Variants in UBTD2 observed in about 807,000 individuals in gnomAD.
UBTD2 encodes ubiquitin domain-containing protein 2.
Under a neutral mutation model 19.8 loss-of-function variants are expected in UBTD2, and 9 were observed. The ratio of observed to expected loss-of-function variants is 0.46; its 90% CI spans 0.27 to 0.79. The LOEUF (loss-of-function observed/expected upper bound fraction) is 0.79, where lower values mean the gene tolerates loss of function less well. UBTD2 is among the 30% of genes least tolerant of loss of function. UBTD2 has a pLI of 0.14. For missense variants in UBTD2, 250 were observed against 300.4 expected (o/e 0.83, Z 1.24); for synonymous variants, 98 against 103.9 (o/e 0.94, Z 0.35).
At chr5:172,216,180 CAAAT>C (rs1461581398) in intron 2 of UBTD2, among the ~76,000 whole-genome samples, 24 of 151,304 alleles carry the variant, frequency 1.6e-4, no homozygotes, top group Non-Finnish European at 1.5e-5. Flanking sequence ...AAACAAAAAA[CAAAT>C]AAACAACAAC....
chr5:172,224,298 C>CTTTTTTT (rs35105814), intron 2 of UBTD2, among the ~76,000 whole-genome samples: 3 of 121,648 alleles, frequency 2.5e-5, no homozygotes, highest in Admixed American at 9.1e-5. Flanking sequence ...TTTTTCATTT[C>CTTTTTTT]TTTTTTTTTT....
rs1192147873 is a variant in UBTD2 at position 172,213,003 on chromosome 5, C to G, written c.308-776G>C. 4.3e-5 allele frequency among the ~76,000 whole-genome samples: 6 copies of G among 140,744 alleles called. No homozygotes were observed. The East Asian group carries it at 1.1e-3, about 26-fold the overall frequency. The allele number at this position is 140,744 out of a possible 152,430, so 92.3% of individuals were successfully genotyped here. A position where few individuals can be genotyped will look rare whatever the true frequency, so the allele number is the denominator to read the frequency against. On this transcript the variant is annotated intron_variant, in intron 2 of 2. Transcript: ENST00000393792. ...TCTTAGTACCTGGACTTCTTTCTTTCTTTTTGAGACAGAGTCTCACTCTGT... is the reference window on the plus strand; with the variant it reads ...TCTTAGTACCTGGACTTCTTTCTTTGTTTTTGAGACAGAGTCTCACTCTGT...
chr5:172,258,414 G>C lies in UBTD2; in HGVS notation c.71-24056C>G, dbSNP rs549619434. Among the ~76,000 whole-genome samples, 3 of 152,330 alleles carry C rather than the reference G, an allele frequency of 2.0e-5. No individual in the cohort carries two copies. In the South Asian group the frequency reaches 6.2e-4, roughly 32 times the overall value. ...TAGCCTTGAAGTATAGTTGAGGTCA[G>C]GTAGTGTGATGCTTTCTTGTTTTTG... is the stretch of plus-strand genomic sequence containing the variant. On this transcript the variant is annotated intron_variant, in intron 1 of 2. Transcript: ENST00000393792.
At chr5:172,234,033 G>T in intron 2 of UBTD2, 89 bp downstream of exon 2, 1 of 1,347,364 alleles carries the variant, frequency 7.4e-7, no homozygotes, top group South Asian at 1.3e-5. Context: ...ATAATTCATA[G>T]CAAGGAAAAA....
chr5:172,221,034 T>C (rs537495623), intron 2 of UBTD2, among the ~76,000 whole-genome samples: 11 of 152,082 alleles, frequency 7.2e-5, no homozygotes, highest in East Asian at 3.9e-4. Flanking sequence ...AAAAAGAAAA[T>C]AGGTATAAGT....
chr5:172,247,348 T>A (rs1428609592), intron 1 of UBTD2, among the ~76,000 whole-genome samples: 3 of 151,458 alleles, frequency 2.0e-5, no homozygotes, highest in African/African-American at 7.3e-5. Context: ...AAGCAGAAAC[T>A]GAGAGAATTA....
intron 1 of UBTD2, among the ~76,000 whole-genome samples, chr5:172,238,558 T>C (rs888811631): frequency 2.0e-5 from 3 of 152,208 alleles, no homozygotes; most frequent in African/African-American, 7.2e-5. Flanking sequence ...TTCCTTGTAA[T>C]CTTTAAACAC....
At position 172,267,905 on chromosome 5, in the gene UBTD2, TG is replaced by T. The variant is rs976418871; in HGVS notation, c.70+15690del. On this transcript the variant is annotated intron_variant, in intron 1 of 2. Transcript: ENST00000393792. ...AGGTCATAAAGAAACGGAAGATGAGTGGAACACTCAAGGGTTCTTCTGACTC... is the reference window on the plus strand; with the variant it reads ...AGGTCATAAAGAAACGGAAGATGAGTGAACACTCAAGGGTTCTTCTGACTC... 6.7e-4 allele frequency among the ~76,000 whole-genome samples: 102 copies of T among 152,286 alleles called. 1 individual carries two copies. Among genetic ancestry groups the T allele is most frequent in the African/African-American group, 2.3e-3 (95 of 41,568 alleles).
chr5:172,274,217 T>G (rs560898248), intron 1 of UBTD2, among the ~76,000 whole-genome samples: 66 of 148,880 alleles, frequency 4.4e-4, no homozygotes, highest in South Asian at 1.9e-3. Context: ...CTCGGCTCAC[T>G]GCAACCTCCA....
At chr5:172,246,366 C>T (rs34473249) in intron 1 of UBTD2, among the ~76,000 whole-genome samples, 11,170 of 150,812 alleles carry the variant, frequency 0.074, 449 homozygotes, top group South Asian at 0.12. Flanking sequence ...AATACAATGT[C>T]AGACCTAAAT....
chr5:172,230,260 G>A (rs1020776322), intron 2 of UBTD2, among the ~76,000 whole-genome samples: 2 of 152,156 alleles, frequency 1.3e-5, no homozygotes, highest in Non-Finnish European at 2.9e-5. Context: ...ATTAACAGAG[G>A]AAGATAATTA....
At chr5:172,251,465 C>CAAAAAAAAAAAAAAAAAAAAAAAAGAAA (rs59810255) in intron 1 of UBTD2, among the ~76,000 whole-genome samples, 1 of 91,958 alleles carries the variant, frequency 1.1e-5, no homozygotes, top group African/African-American at 4.1e-5. Context: ...TCAAACTGTC[C>CAAAAAAAAAAAAAAAAAAAAAAAAGAAA]AAAAAAAAAA....
chr5:172,217,837 T>C (rs1158721536), intron 2 of UBTD2, among the ~76,000 whole-genome samples: 1 of 152,172 alleles, frequency 6.6e-6, no homozygotes, highest in African/African-American at 2.4e-5. Context: ...CAGCAAAGTA[T>C]GTGAGGCAGA....
At chr5:172,258,195 A>C (rs10073392) in intron 1 of UBTD2, among the ~76,000 whole-genome samples, 49,105 of 152,066 alleles carry the variant, frequency 0.32, 8,017 homozygotes, top group South Asian at 0.42. Context: ...AAGAAGGGGT[A>C]CAGTTTCAAT....
At chr5:172,280,560 G>C (rs1028246729) in intron 1 of UBTD2, among the ~76,000 whole-genome samples, 4 of 148,808 alleles carry the variant, frequency 2.7e-5, no homozygotes, top group Non-Finnish European at 5.9e-5. Context: ...GCTGAGGCCA[G>C]AGGACTGCCT....
chr5:172,254,409 T>C (rs1275728886), intron 1 of UBTD2: 1 of 370,728 alleles, frequency 2.7e-6, no homozygotes, highest in Non-Finnish European at 5.1e-6. Context: ...CATGTGGCTT[T>C]TCCTATGGTT....
chr5:172,282,129 A>G (rs989937265), intron 1 of UBTD2, among the ~76,000 whole-genome samples: 5 of 152,264 alleles, frequency 3.3e-5, no homozygotes, highest in Non-Finnish European at 7.3e-5. Flanking sequence ...ACTAAACACT[A>G]GCGATAACAA....
intron 1 of UBTD2, among the ~76,000 whole-genome samples, chr5:172,257,589 T>C (rs1755181618): frequency 6.6e-6 from 1 of 152,258 alleles, no homozygotes; most frequent in Non-Finnish European, 1.5e-5. Flanking sequence ...TGAACTAATA[T>C]ACCATTCCCA....
At chr5:172,274,815 C>A (rs909703041) in intron 1 of UBTD2, among the ~76,000 whole-genome samples, 2 of 151,932 alleles carry the variant, frequency 1.3e-5, no homozygotes, top group African/African-American at 4.8e-5. Flanking sequence ...CCGAGGTGGG[C>A]GGATCATGAG....
Sources: gnomAD v4.1 joint callset for allele counts (sites outside exome capture counted in the v4.1 genomes callset) on GRCh38, gnomAD v4.1.1 for gene constraint, MANE v1.5 for transcripts, NCBI Gene and HGNC (gene_info 2026-07-23, HGNC 2026-07-21) for gene names.